Variants in KIAA1958 observed in about 807,000 individuals in gnomAD.
The protein encoded by KIAA1958 is KIAA1958, also known as uncharacterized protein KIAA1958.
Under a neutral mutation model 47.2 loss-of-function variants are expected in KIAA1958, and 14 were observed. The observed-to-expected ratio is 0.30, with a 90% CI of 0.20 to 0.46. The LOEUF (loss-of-function observed/expected upper bound fraction) is 0.46. KIAA1958 is among the 20% of genes least tolerant of loss of function. The pLI, the probability that KIAA1958 is intolerant of heterozygous loss-of-function variation, is 1.00. For synonymous variants in KIAA1958, 354 were observed against 353.3 expected, an observed-to-expected ratio of 1.00 and a Z score of -0.02; for missense variants, 803 against 909.2, an observed-to-expected ratio of 0.88 and a Z score of 1.50.
chr9:112,559,064 TGTAAAACATA>T (rs903634061), intron 1 of KIAA1958, among the ~76,000 whole-genome samples: 5 of 152,224 alleles, frequency 3.3e-5, no homozygotes, highest in African/African-American at 1.2e-4. Flanking sequence ...TCAGAAGCTT[TGTAAAACATA>T]GTAGTTTTGA....
At chr9:112,592,151 A>C (rs1390325771) in intron 2 of KIAA1958, among the ~76,000 whole-genome samples, 1 of 152,200 alleles carries the variant, frequency 6.6e-6, no homozygotes, top group East Asian at 1.9e-4. Context: ...GATCGGAATG[A>C]GGGTGGAGTA....
chr9:112,502,692 G>T (rs1834163381), intron 1 of KIAA1958, among the ~76,000 whole-genome samples: 1 of 152,196 alleles, frequency 6.6e-6, no homozygotes, highest in Non-Finnish European at 1.5e-5. Flanking sequence ...ATTTTGTCTG[G>T]TGCAACCCCA....
intron 1 of KIAA1958, among the ~76,000 whole-genome samples, chr9:112,539,168 A>T (rs762760875): frequency 1.8e-4 from 28 of 152,348 alleles, no homozygotes; most frequent in Admixed American, 2.6e-4. Context: ...TAGAGTTACC[A>T]TATGACACAG....
intron 2 of KIAA1958, among the ~76,000 whole-genome samples, chr9:112,608,103 A>T (rs978846490): frequency 2.6e-5 from 4 of 152,230 alleles, no homozygotes; most frequent in Non-Finnish European, 5.9e-5. Context: ...TTTAATTACA[A>T]GACTGAGACC....
At chr9:112,631,538 A>G (rs1387271630) in intron 2 of KIAA1958, among the ~76,000 whole-genome samples, 2 of 144,870 alleles carry the variant, frequency 1.4e-5, no homozygotes, top group Non-Finnish European at 3.0e-5. Context: ...CTCAAAGAAA[A>G]AAAAAAAAAA....
chr9:112,507,100 A>C (rs1402185393), intron 1 of KIAA1958, among the ~76,000 whole-genome samples: 1 of 151,588 alleles, frequency 6.6e-6, no homozygotes, highest in Non-Finnish European at 1.5e-5. Context: ...ATTTGTGGGT[A>C]GAGGGAAGGA....
intron 1 of KIAA1958, among the ~76,000 whole-genome samples, chr9:112,496,652 T>C (rs765724226): frequency 3.9e-5 from 6 of 152,202 alleles, no homozygotes; most frequent in African/African-American, 7.2e-5. Context: ...GGTATCTCTT[T>C]CCTTTATTCC....
chr9:112,606,827 A>C (rs1245997768), intron 2 of KIAA1958, among the ~76,000 whole-genome samples: 1 of 152,208 alleles, frequency 6.6e-6, no homozygotes, highest in African/African-American at 2.4e-5. Context: ...TCCCTGTAAA[A>C]TCCAAAGCAC....
chr9:112,607,749 CAAAAA>C (rs367932637), intron 2 of KIAA1958, among the ~76,000 whole-genome samples: 3 of 118,870 alleles, frequency 2.5e-5, no homozygotes, highest in African/African-American at 6.4e-5. Flanking sequence ...ATATCCAAGA[CAAAAA>C]AAAAAAAAAA....
At chr9:112,554,371 G>A (rs756080378) in intron 1 of KIAA1958, among the ~76,000 whole-genome samples, 6 of 152,092 alleles carry the variant, frequency 3.9e-5, no homozygotes, top group South Asian at 2.1e-4. Flanking sequence ...GGTGGTGTGC[G>A]CCTGTAATCC....
Position 112,656,233 on chromosome 9 carries a change from G to A in KIAA1958, c.1345-3030G>A, listed in dbSNP as rs188943079. 4.6e-5 allele frequency among the ~76,000 whole-genome samples: 7 copies of A among 152,056 alleles called. No homozygotes were observed. The East Asian group carries it at 1.4e-3, about 29-fold the overall frequency. Reference sequence around the variant, plus strand: ...ACTAAAAAATACAAAAATTAGCCGGGTGTGGTGGCACACACCTGTAGTCTC... The same window carrying A: ...ACTAAAAAATACAAAAATTAGCCGGATGTGGTGGCACACACCTGTAGTCTC... On this transcript the variant is annotated intron_variant, in intron 3 of 3. Coordinates refer to ENST00000337530, the MANE Select transcript of KIAA1958 (RefSeq NM_133465.4).
At chr9:112,633,454 A>G (rs1836745242) in intron 2 of KIAA1958, among the ~76,000 whole-genome samples, 2 of 152,138 alleles carry the variant, frequency 1.3e-5, no homozygotes, top group African/African-American at 4.8e-5. Flanking sequence ...TTTTTAAAGG[A>G]ATTTTTAAGG....
At chr9:112,636,592 T>C (rs1678732704) in intron 2 of KIAA1958, among the ~76,000 whole-genome samples, 3 of 152,312 alleles carry the variant, frequency 2.0e-5, no homozygotes, top group South Asian at 4.1e-4. Context: ...GATTGTTATA[T>C]ATACCTTCCT....
intron 1 of KIAA1958, among the ~76,000 whole-genome samples, chr9:112,543,457 A>G (rs552344239): frequency 9.9e-5 from 15 of 151,982 alleles, no homozygotes; most frequent in Non-Finnish European, 2.1e-4. Flanking sequence ...CACCTTGGTT[A>G]TATGGTGTTT....
chr9:112,495,295 CTT>C (rs1368645635), intron 1 of KIAA1958, among the ~76,000 whole-genome samples: 1 of 152,068 alleles, frequency 6.6e-6, no homozygotes, highest in Admixed American at 6.5e-5. Context: ...ATTGTTCTCT[CTT>C]GGTCATATTT....
At chr9:112,510,754 G>A (rs754532040) in intron 1 of KIAA1958, among the ~76,000 whole-genome samples, 7 of 152,046 alleles carry the variant, frequency 4.6e-5, no homozygotes, top group South Asian at 2.1e-4. Context: ...AAAGCAGTTC[G>A]GTGTAGGGGG....
chr9:112,519,198 C>G (rs1409811025), intron 1 of KIAA1958, among the ~76,000 whole-genome samples: 1 of 152,152 alleles, frequency 6.6e-6, no homozygotes, highest in Non-Finnish European at 1.5e-5. Flanking sequence ...CCACCCTTGG[C>G]CTTCCAAAGT....
At position 112,577,532 on chromosome 9, in the gene KIAA1958, C is replaced by CT. The variant is rs369144296; in HGVS notation, c.1171+2293dup. 4.3e-3 allele frequency among the ~76,000 whole-genome samples: 619 copies of CT among 142,844 alleles called. 9 individuals carry two copies. In the East Asian group the frequency reaches 0.052, roughly 12 times the overall value. The allele number at this position is 142,844 out of a possible 152,430, so 93.7% of individuals were successfully genotyped here. A position where few individuals can be genotyped will look rare whatever the true frequency, so the allele number is the denominator to read the frequency against. On this transcript the variant is annotated intron_variant, in intron 2 of 3. Transcript: ENST00000337530. ...TATTTATTTGAACTCTCCTGCCCCC[C>CT]TTTTTTTTTTTTCATTTAAATAGGG...
intron 1 of KIAA1958, among the ~76,000 whole-genome samples, chr9:112,495,911 A>C (rs1219133308): frequency 6.6e-6 from 1 of 152,122 alleles, no homozygotes; most frequent in African/African-American, 2.4e-5. Context: ...ACCACTATAT[A>C]AGGACGTCCT....
Sources: allele counts gnomAD v4.1 joint callset (sites outside exome capture counted in the v4.1 genomes callset), GRCh38; gene constraint gnomAD v4.1.1; transcripts MANE v1.5; gene names NCBI Gene and HGNC (gene_info 2026-07-23, HGNC 2026-07-21).